YWHAE: variants seen among roughly 807,000 people sequenced by gnomAD.
YWHAE encodes the protein tyrosine 3-monooxygenase/tryptophan 5-monooxygenase activation protein epsilon.
YWHAE carries 4 observed loss-of-function variants against 30.1 expected under a neutral mutation model. The ratio of observed to expected loss-of-function variants is 0.13; its 90% CI spans 0.07 to 0.30. The LOEUF (loss-of-function observed/expected upper bound fraction) is 0.30. Among genes scored for constraint, YWHAE ranks in the 10% least tolerant of loss-of-function variants. YWHAE has a pLI of 1.00. For missense variants in YWHAE, 121 were observed against 315.9 expected, an observed-to-expected ratio of 0.38 and a Z score of 4.68; for synonymous variants, 118 against 111.8, an observed-to-expected ratio of 1.06 and a Z score of -0.35.
intron 1 of YWHAE, among the ~76,000 whole-genome samples, chr17:1,387,639 G>A (rs1233019831): frequency 6.6e-6 from 1 of 151,882 alleles, no homozygotes; most frequent in African/African-American, 2.4e-5. Flanking sequence ...GGGGCAGTAG[G>A]CGGGGATGGA....
chr17:1,380,139 A>G, intron 1 of YWHAE, among the ~76,000 whole-genome samples: 1 of 140,162 alleles, frequency 7.1e-6, no homozygotes, highest in Non-Finnish European at 1.5e-5. Context: ...TTTGAGACGG[A>G]GCCTCACTCT....
intron 1 of YWHAE, among the ~76,000 whole-genome samples, chr17:1,373,109 G>GGC (rs1175571804): frequency 6.6e-6 from 1 of 152,106 alleles, no homozygotes; most frequent in Non-Finnish European, 1.5e-5. Flanking sequence ...CAGGCATGGG[G>GGC]GCGCGTGCCT....
chr17:1,395,565 C>T (rs1206000348), intron 1 of YWHAE, among the ~76,000 whole-genome samples: 1 of 152,064 alleles, frequency 6.6e-6, no homozygotes, highest in Non-Finnish European at 1.5e-5. Context: ...TCTGTCTATG[C>T]ATTTAAGAAG....
chr17:1,349,680 C>G (rs2072589462), intron 5 of YWHAE, among the ~76,000 whole-genome samples: 1 of 150,856 alleles, frequency 6.6e-6, no homozygotes, highest in South Asian at 2.1e-4. Context: ...GTGGTGCTAT[C>G]TCGGCTCACT....
rs200404551 is a variant in YWHAE at position 1,376,386 on chromosome 17, A to G, written c.65-11328T>C. ...ACAGACAGACAGACAGAAAGAAAGA[A>G]AAAGAAAGAGAGAGAAAGAAAGAAA... On this transcript the variant is annotated intron_variant, in intron 1 of 5. Coordinates refer to ENST00000264335, the MANE Select transcript of YWHAE (RefSeq NM_006761.5). Among the ~76,000 whole-genome samples the G allele has an allele frequency of 2.2e-4, 34 of 151,708 alleles. 1 individual carries two copies. Among genetic ancestry groups the G allele is most frequent in the African/African-American group, 6.8e-4 (28 of 41,382 alleles).
At chr17:1,352,931 T>C (rs1000958960) in intron 5 of YWHAE, among the ~76,000 whole-genome samples, 9 of 152,204 alleles carry the variant, frequency 5.9e-5, no homozygotes, top group African/African-American at 1.9e-4. Context: ...TATCCTGTAA[T>C]ACTCCTATCA....
In YWHAE at chr17:1,361,223, T is replaced by G. The variant is rs1256945314; in HGVS notation, c.447A>C (p.Leu149=). The G allele has an allele frequency of 6.2e-7, 1 of 1,613,794 alleles. No individual in the cohort carries two copies. The highest frequency in any genetic ancestry group is 8.5e-7 in the Non-Finnish European group (1 of 1,179,976). The change falls in exon 4 of 6, where the codon CTA becomes CTC. Residue 149 remains leucine (L), a synonymous_variant. Transcript: ENST00000264335. ...NDRKEAAENS[L]VAYKAASDIA... is the part of the protein sequence containing the mutation. ...TATCACTAGCAGCTTTATAAGCCACTAGGCTGTTCTCCGCAGCCTCCTTCC... is the reference window on the plus strand; with the variant it reads ...TATCACTAGCAGCTTTATAAGCCACGAGGCTGTTCTCCGCAGCCTCCTTCC...
At chr17:1,370,418 A>G (rs963247497) in intron 1 of YWHAE, among the ~76,000 whole-genome samples, 13 of 151,524 alleles carry the variant, frequency 8.6e-5, no homozygotes, top group East Asian at 5.9e-4. Flanking sequence ...GGCGTGAGCC[A>G]CCGCGACTGG....
intron 1 of YWHAE, among the ~76,000 whole-genome samples, chr17:1,380,851 C>G (rs1478479020): frequency 6.6e-6 from 1 of 152,160 alleles, no homozygotes; most frequent in Admixed American, 6.5e-5. Flanking sequence ...CAAATCTTAT[C>G]CCCCAATTAA....
intron 1 of YWHAE, among the ~76,000 whole-genome samples, chr17:1,374,000 G>A (rs1344604717): frequency 6.6e-6 from 1 of 152,088 alleles, no homozygotes; most frequent in Non-Finnish European, 1.5e-5. Flanking sequence ...TTCACCTACT[G>A]TATGGATATA....
chr17:1,352,321 T>C lies in YWHAE; in HGVS notation c.715+1890A>G, dbSNP rs528956207. 5.3e-5 allele frequency: 8 copies of C among 152,258 alleles called. No individual in the cohort carries two copies. The East Asian group carries it at 1.5e-3, about 29-fold the overall frequency. 9.4% of individuals were successfully genotyped at this position (152,258 alleles called of 1,614,324 possible). ...AAATGTTAAAAGCTGAGTCACCTAA[T>C]TCTCACTTTAGTACCATAACCCAAA... On this transcript the variant is annotated intron_variant, in intron 5 of 5. Coordinates refer to ENST00000264335, the MANE Select transcript of YWHAE (RefSeq NM_006761.5).
chr17:1,365,111 T>C (rs2072922512), intron 1 of YWHAE, 53 bp from the exon 2 acceptor site: 3 of 1,555,638 alleles, frequency 1.9e-6, no homozygotes, highest in African/African-American at 1.4e-5. Context: ...TTTCTTAACA[T>C]ATTCCTTTCA....
intron 1 of YWHAE, among the ~76,000 whole-genome samples, chr17:1,374,168 G>C (rs1361431902): frequency 6.6e-6 from 1 of 151,774 alleles, no homozygotes; most frequent in Non-Finnish European, 1.5e-5. Flanking sequence ...CAAAAATTAG[G>C]CTGCCATGAT....
chr17:1,355,360 C>T (rs957569766), intron 4 of YWHAE, among the ~76,000 whole-genome samples: 8 of 151,064 alleles, frequency 5.3e-5, no homozygotes, highest in South Asian at 2.1e-4. Flanking sequence ...AGGGTTTCAC[C>T]GTGTTAGCCA....
intron 1 of YWHAE, among the ~76,000 whole-genome samples, chr17:1,383,975 G>C (rs1335097695): frequency 6.6e-6 from 1 of 151,954 alleles, no homozygotes; most frequent in African/African-American, 2.4e-5. Flanking sequence ...GGAGGCCGAG[G>C]CACGTGGATC....
At chr17:1,398,371 G>A (rs2073508303) in intron 1 of YWHAE, among the ~76,000 whole-genome samples, 1 of 139,384 alleles carries the variant, frequency 7.2e-6, no homozygotes, top group Admixed American at 7.6e-5. Flanking sequence ...AATACAAATA[G>A]CAATTTAAGA....
chr17:1,348,745 C>T (rs951110569), intron 5 of YWHAE, among the ~76,000 whole-genome samples: 10 of 152,272 alleles, frequency 6.6e-5, no homozygotes, highest in Middle Eastern at 3.4e-3. Context: ...AAATGTAGGC[C>T]GGGAACAGTG....
rs1405634632 is a variant in YWHAE, at chr17:1,400,122, C to A, written c.-12G>T. 1 of 1,614,080 alleles carries A rather than the reference C, an allele frequency of 6.2e-7. No individual in the cohort carries two copies. Among genetic ancestry groups the A allele is most frequent in the Non-Finnish European group, 8.5e-7 (1 of 1,180,018 alleles). ...TCTCGATCATCCATAGCGGCAGCGG[C>A]TCCGGCAGGGTCTGCGCGACGGATG... On this transcript the variant is annotated 5_prime_UTR_variant, in exon 1 of 6. Transcript: ENST00000264335.
At position 1,400,156 on chromosome 17, in the gene YWHAE, T is replaced by G. The variant is rs747128604; in HGVS notation, c.-46A>C. The G allele has an allele frequency of 9.9e-6, 16 of 1,609,496 alleles. No homozygotes were observed. The highest frequency in any genetic ancestry group is 1.4e-5 in the Non-Finnish European group (16 of 1,176,034). On this transcript the variant is annotated 5_prime_UTR_variant, in exon 1 of 6. Coordinates refer to ENST00000264335, the MANE Select transcript of YWHAE (RefSeq NM_006761.5). ...GGTCTGCGCGACGGATGGAAGCGGA[T>G]AGTGTCTCCGACTCTCTCAGCCTCT...
Sources: allele counts gnomAD v4.1 joint callset (sites outside exome capture counted in the v4.1 genomes callset), GRCh38; gene constraint gnomAD v4.1.1; transcripts MANE v1.5; gene names NCBI Gene and HGNC (gene_info 2026-07-23, HGNC 2026-07-21).